The following MAN1A2 variants were observed in gnomAD, a reference collection of about 807,000 sequenced individuals.
MAN1A2 encodes the protein mannosidase alpha class 1A member 2, also known as mannosyl-oligosaccharide 1,2-alpha-mannosidase IB.
MAN1A2 carries 26 observed loss-of-function variants against 75.7 expected under a neutral mutation model. The observed-to-expected ratio is 0.34, with a 90% CI of 0.25 to 0.48. The LOEUF is 0.48. Ranked by LOEUF, MAN1A2 falls within the 20% of genes least tolerant of loss-of-function variation. The pLI, the probability that MAN1A2 is intolerant of heterozygous loss-of-function variation, is 0.99. For missense variants in MAN1A2, 562 were observed against 775.5 expected (o/e 0.72, Z 3.27); for synonymous variants, 247 against 264.6 (o/e 0.93, Z 0.65).
intron 8 of MAN1A2, among the ~76,000 whole-genome samples, chr1:117,475,855 T>C (rs1650296727): frequency 6.6e-6 from 1 of 152,184 alleles, no homozygotes; most frequent in Non-Finnish European, 1.5e-5. Flanking sequence ...AGTAGAATGA[T>C]TTATAATCCT....
intron 12 of MAN1A2, among the ~76,000 whole-genome samples, chr1:117,516,564 A>C (rs1273182990): frequency 3.9e-5 from 6 of 152,150 alleles, no homozygotes; most frequent in African/African-American, 1.4e-4. Context: ...TACTCTAAAG[A>C]TGGAACCAGA....
At chr1:117,429,535 A>G (rs1179201230) in intron 5 of MAN1A2, among the ~76,000 whole-genome samples, 2 of 42,194 alleles carry the variant, frequency 4.7e-5, no homozygotes, top group Non-Finnish European at 4.6e-5. Flanking sequence ...CGGGGGGCCG[A>G]CCCCCCCACC....
rs2101708419 is a variant in MAN1A2 at position 117,368,124 on chromosome 1, T to C, written c.-60T>C. The C allele has an allele frequency of 6.9e-7, 1 of 1,452,018 alleles. No individual in the cohort carries two copies. Among genetic ancestry groups the C allele is most frequent in the Non-Finnish European group, 9.3e-7 (1 of 1,079,178 alleles). 89.9% of individuals were successfully genotyped at this position (1,452,018 alleles called of 1,614,324 possible). On this transcript the variant is annotated 5_prime_UTR_variant, in exon 1 of 13. Transcript: ENST00000356554. ...CCAAGATTTTGAAGACAGTTCAATG[T>C]ATTCTACATTTGACATAAGATGAGA...
At chr1:117,500,931 T>C (rs1204405526) in intron 11 of MAN1A2, among the ~76,000 whole-genome samples, 1 of 151,850 alleles carries the variant, frequency 6.6e-6, no homozygotes, top group African/African-American at 2.4e-5. Flanking sequence ...AATCATATAA[T>C]GAATCTGTTT....
At chr1:117,418,860 T>C (rs377636584) in intron 4 of MAN1A2, among the ~76,000 whole-genome samples, 1 of 152,160 alleles carries the variant, frequency 6.6e-6, no homozygotes. Context: ...TAGATGATGA[T>C]GTGTTAATTA....
intron 8 of MAN1A2, among the ~76,000 whole-genome samples, chr1:117,487,718 C>T (rs748441651): frequency 1.3e-5 from 2 of 151,948 alleles, no homozygotes; most frequent in South Asian, 2.1e-4. Context: ...AATCACTGCT[C>T]TCTTGTTTAT....
intron 11 of MAN1A2, among the ~76,000 whole-genome samples, 176 bp from the exon 12 acceptor site, chr1:117,502,679 G>A (rs180940261): frequency 5.3e-5 from 8 of 151,742 alleles, no homozygotes; most frequent in Admixed American, 4.0e-4. Context: ...CCTGTTTCTC[G>A]TATGAGTTAA....
chr1:117,455,020 A>G (rs1173349469), intron 6 of MAN1A2, among the ~76,000 whole-genome samples: 1 of 152,152 alleles, frequency 6.6e-6, no homozygotes, highest in East Asian at 1.9e-4. Flanking sequence ...AAAAATAGAC[A>G]ATGAAAAGGC....
chr1:117,420,011 T>C (rs1034774629), intron 4 of MAN1A2, among the ~76,000 whole-genome samples: 3 of 152,102 alleles, frequency 2.0e-5, no homozygotes, highest in East Asian at 3.8e-4. Flanking sequence ...CATTTTGATA[T>C]TTGTGAAATT....
chr1:117,372,777 T>G (rs1653007557), intron 1 of MAN1A2, among the ~76,000 whole-genome samples: 1 of 149,678 alleles, frequency 6.7e-6, no homozygotes, highest in African/African-American at 2.5e-5. Flanking sequence ...CTGACATTTG[T>G]TTTATATAAT....
Position 117,496,220 on chromosome 1 carries a change from G to A in MAN1A2, c.1285-543G>A, listed in dbSNP as rs144734945. 4.0e-3 allele frequency among the ~76,000 whole-genome samples: 603 copies of A among 151,900 alleles called. 3 individuals carry two copies. The highest frequency in any genetic ancestry group is 0.014 in the African/African-American group (578 of 41,466). On this transcript the variant is annotated intron_variant, in intron 9 of 12. Coordinates refer to ENST00000356554, the MANE Select transcript of MAN1A2 (RefSeq NM_006699.5). ...TGGCCATTGCTTATACTTTTCCATA[G>A]AAATACCTCTAAAGGTAGAAAATAG...
At chr1:117,464,337 C>T (rs150152943) in intron 7 of MAN1A2, among the ~76,000 whole-genome samples, 274 of 126,034 alleles carry the variant, frequency 2.2e-3, no homozygotes, top group Middle Eastern at 5.0e-3. Flanking sequence ...CCAGCCTGGG[C>T]GACAGAGCAA....
At chr1:117,397,965 G>C (rs1647258325) in intron 1 of MAN1A2, among the ~76,000 whole-genome samples, 1 of 151,968 alleles carries the variant, frequency 6.6e-6, no homozygotes, top group Non-Finnish European at 1.5e-5. Flanking sequence ...CAACTCTTTT[G>C]ACTGTTTGTA....
chr1:117,483,176 G>A (rs1044931597), intron 8 of MAN1A2, among the ~76,000 whole-genome samples: 1 of 152,098 alleles, frequency 6.6e-6, no homozygotes, highest in Non-Finnish European at 1.5e-5. Context: ...GTAGCGTGAT[G>A]TCTCCAACTT....
chr1:117,514,110 C>G (rs1651630876), intron 12 of MAN1A2, among the ~76,000 whole-genome samples: 1 of 152,082 alleles, frequency 6.6e-6, no homozygotes. Flanking sequence ...TGCCTGTAAT[C>G]CCAGCACTTT....
chr1:117,445,219 G>T (rs1276408211), intron 6 of MAN1A2, among the ~76,000 whole-genome samples: 1 of 151,900 alleles, frequency 6.6e-6, no homozygotes, highest in Non-Finnish European at 1.5e-5. Flanking sequence ...ATATTCCTTG[G>T]CCATAATGTA....
At chr1:117,422,363 TA>T in intron 5 of MAN1A2, among the ~76,000 whole-genome samples, 1 of 152,112 alleles carries the variant, frequency 6.6e-6, no homozygotes. Flanking sequence ...ATGCATTTTA[TA>T]TATTTATCAG....
intron 12 of MAN1A2, among the ~76,000 whole-genome samples, chr1:117,510,294 G>A (rs1016481405): frequency 6.6e-6 from 1 of 151,976 alleles, no homozygotes; most frequent in Non-Finnish European, 1.5e-5. Flanking sequence ...AGCTGAGAGA[G>A]CGAACTTTTC....
chr1:117,453,989 T>C (rs1179065284), intron 6 of MAN1A2, among the ~76,000 whole-genome samples: 1 of 152,206 alleles, frequency 6.6e-6, no homozygotes, highest in Non-Finnish European at 1.5e-5. Flanking sequence ...AAAAAGAGTA[T>C]GACTTGCTGA....
Sources: gnomAD v4.1 joint callset for allele counts (sites outside exome capture counted in the v4.1 genomes callset) on GRCh38, gnomAD v4.1.1 for gene constraint, MANE v1.5 for transcripts, NCBI Gene and HGNC (gene_info 2026-07-23, HGNC 2026-07-21) for gene names.